The following JAK1 variants were observed in gnomAD, a reference collection of about 807,000 sequenced individuals.
The protein encoded by JAK1 is Janus kinase 1.
A neutral mutation model predicts 136.6 loss-of-function variants in JAK1; 16 were observed. The observed-to-expected ratio is 0.12, with a 90% CI of 0.08 to 0.18. The LOEUF is 0.18. Ranked by LOEUF, JAK1 falls within the 10% of genes least tolerant of loss-of-function variation. The pLI is 1.00. For missense variants in JAK1, 859 were observed against 1,450.1 expected, an observed-to-expected ratio of 0.59 and a Z score of 6.62; for synonymous variants, 492 against 519.5, an observed-to-expected ratio of 0.95 and a Z score of 0.72.
At chr1:64,940,949 G>A (rs1645879589) in intron 1 of JAK1, among the ~76,000 whole-genome samples, 1 of 152,180 alleles carries the variant, frequency 6.6e-6, no homozygotes, top group South Asian at 2.1e-4. Flanking sequence ...TGGACAACCT[G>A]AGGTCAGGAG....
chr1:64,981,373 T>C (rs779488733), intron 2 of JAK1, among the ~76,000 whole-genome samples: 2 of 152,176 alleles, frequency 1.3e-5, no homozygotes, highest in Non-Finnish European at 2.9e-5. Flanking sequence ...TGACCAGATG[T>C]TTTGCAGTTC....
intron 1 of JAK1, among the ~76,000 whole-genome samples, chr1:64,945,284 T>C (rs1645964140): frequency 6.6e-6 from 1 of 152,116 alleles, no homozygotes; most frequent in Non-Finnish European, 1.5e-5. Context: ...ACTAACCCCA[T>C]GGGGAGCAAT....
intron 1 of JAK1, among the ~76,000 whole-genome samples, chr1:64,899,388 C>T (rs1645071230): frequency 6.6e-6 from 1 of 152,166 alleles, no homozygotes; most frequent in South Asian, 2.1e-4. Context: ...GTATAAATTA[C>T]TGTCACCTAT....
chr1:65,046,639 C>T (rs1647185586), intron 1 of JAK1, among the ~76,000 whole-genome samples: 1 of 151,990 alleles, frequency 6.6e-6, no homozygotes, highest in Non-Finnish European at 1.5e-5. Context: ...CAGAATCTGG[C>T]ACTGGGGATG....
chr1:64,837,014 TC>T (rs1477572142), intron 22 of JAK1, among the ~76,000 whole-genome samples: 1 of 152,202 alleles, frequency 6.6e-6, no homozygotes, highest in Non-Finnish European at 1.5e-5. Context: ...TCCTGGGAAA[TC>T]GACTGCTCTT....
intron 2 of JAK1, among the ~76,000 whole-genome samples, chr1:64,982,979 C>T (rs78290813): frequency 6.6e-6 from 1 of 152,162 alleles, no homozygotes; most frequent in Non-Finnish European, 1.5e-5. Flanking sequence ...AGCTAAACCC[C>T]ACTGCTATGT....
At chr1:65,038,956 G>T (rs1396552234) in intron 2 of JAK1, among the ~76,000 whole-genome samples, 1 of 151,650 alleles carries the variant, frequency 6.6e-6, no homozygotes, top group Non-Finnish European at 1.5e-5. Flanking sequence ...GTGTGTGTGT[G>T]TGTGTGTTTG....
upstream of JAK1, among the ~76,000 whole-genome samples, chr1:64,970,937 C>T (rs951551957): frequency 6.6e-6 from 1 of 152,104 alleles, no homozygotes; most frequent in African/African-American, 2.4e-5. Flanking sequence ...TAACAACCAC[C>T]CAACCATCAA....
At chr1:65,008,303 G>A (rs1646820306) in intron 2 of JAK1, among the ~76,000 whole-genome samples, 1 of 152,224 alleles carries the variant, frequency 6.6e-6, no homozygotes, top group African/African-American at 2.4e-5. Context: ...TAGTAACATT[G>A]AGTAGGGCAA....
At chr1:64,889,775 A>C (rs1416357221) in intron 1 of JAK1, among the ~76,000 whole-genome samples, 1 of 152,238 alleles carries the variant, frequency 6.6e-6, no homozygotes. Context: ...GTATCTGCGC[A>C]AGGGAAGAAC....
intron 1 of JAK1, among the ~76,000 whole-genome samples, chr1:65,062,741 C>G (rs1647846160): frequency 6.6e-6 from 1 of 152,228 alleles, no homozygotes; most frequent in South Asian, 2.1e-4. Context: ...GTCAACAGGA[C>G]TCTTTCTAAA....
chr1:64,878,745 C>T (rs1425557830), intron 4 of JAK1, among the ~76,000 whole-genome samples: 3 of 151,660 alleles, frequency 2.0e-5, no homozygotes, highest in African/African-American at 7.3e-5. Flanking sequence ...CTATGATTAC[C>T]CATTTGAAAA....
At chr1:64,875,949 C>T (rs1443504047) in intron 4 of JAK1, 1 of 152,276 alleles carries the variant, frequency 6.6e-6, no homozygotes, top group Non-Finnish European at 1.5e-5. Flanking sequence ...AGTGAACCAG[C>T]TACAGAGGTT....
intron 1 of JAK1, among the ~76,000 whole-genome samples, chr1:64,911,709 G>C (rs1485171066): frequency 6.6e-6 from 1 of 152,170 alleles, no homozygotes; most frequent in Non-Finnish European, 1.5e-5. Flanking sequence ...TTTCCAGTAA[G>C]AGCAATAAAA....
chr1:64,834,457 C>T lies in JAK1; in HGVS notation c.*105G>A. The T allele has an allele frequency of 1.3e-6, 1 of 750,274 alleles. No individual in the cohort carries two copies. Among genetic ancestry groups the T allele is most frequent in the Non-Finnish European group, 2.3e-6 (1 of 437,316 alleles). The allele number at this position is 750,274 out of a possible 1,614,324, so 46.5% of individuals were successfully genotyped here. A position where few individuals can be genotyped will look rare whatever the true frequency, so the allele number is the denominator to read the frequency against. On this transcript the variant is annotated 3_prime_UTR_variant, in exon 25 of 25. Coordinates refer to ENST00000342505, the MANE Select transcript of JAK1 (RefSeq NM_002227.4). Reference sequence around the variant, plus strand: ...AGTATGAGTTCAGTGACTTTTTGGACAGAACACAAACTTCTTTCATTAGAA... The same window carrying T: ...AGTATGAGTTCAGTGACTTTTTGGATAGAACACAAACTTCTTTCATTAGAA...
At chr1:65,012,617 G>A (rs528386852) in intron 2 of JAK1, among the ~76,000 whole-genome samples, 1 of 152,114 alleles carries the variant, frequency 6.6e-6, no homozygotes, top group Non-Finnish European at 1.5e-5. Context: ...TCCTAAGAAG[G>A]AAAGTACAAA....
chr1:65,029,426 G>A (rs1475404218), intron 2 of JAK1, among the ~76,000 whole-genome samples: 1 of 152,078 alleles, frequency 6.6e-6, no homozygotes, highest in Admixed American at 6.5e-5. Context: ...AGTCTGTTAT[G>A]CAGAAATACC....
intron 1 of JAK1, among the ~76,000 whole-genome samples, chr1:64,947,302 T>C (rs1193060058): frequency 6.6e-6 from 1 of 152,222 alleles, no homozygotes; most frequent in Non-Finnish European, 1.5e-5. Flanking sequence ...AAACTTCTCA[T>C]ACCAGGTGAT....
At chr1:64,899,065 T>C (rs1314592943) in intron 1 of JAK1, among the ~76,000 whole-genome samples, 2 of 152,226 alleles carry the variant, frequency 1.3e-5, no homozygotes, top group Non-Finnish European at 2.9e-5. Flanking sequence ...CTTTTTACAA[T>C]TTACAAAGCA....
Sources: allele counts gnomAD v4.1 joint callset (sites outside exome capture counted in the v4.1 genomes callset), GRCh38; gene constraint gnomAD v4.1.1; transcripts MANE v1.5; gene names NCBI Gene and HGNC (gene_info 2026-07-23, HGNC 2026-07-21).